The following KCNQ2 variants were observed in gnomAD, a reference collection of about 807,000 sequenced individuals.
KCNQ2 encodes the protein potassium voltage-gated channel subfamily KQT member 2.
A neutral mutation model predicts 84.8 loss-of-function variants in KCNQ2; 14 were observed. The ratio of observed to expected loss-of-function variants is 0.17; its 90% CI spans 0.11 to 0.26. The LOEUF (loss-of-function observed/expected upper bound fraction) is 0.26. Ranked by LOEUF, KCNQ2 falls within the 10% of genes least tolerant of loss-of-function variation. The probability of loss-of-function intolerance (pLI) is 1.00; values close to 1 mark genes in which losing one functional copy is unlikely to be tolerated. For missense variants in KCNQ2, 788 were observed against 1,254.0 expected, an observed-to-expected ratio of 0.63 and a Z score of 5.61; for synonymous variants, 599 against 554.1, an observed-to-expected ratio of 1.08 and a Z score of -1.14.
At chr20:63,465,701 C>A (rs562535212) in intron 1 of KCNQ2, among the ~76,000 whole-genome samples, 1 of 152,214 alleles carries the variant, frequency 6.6e-6, no homozygotes, top group Admixed American at 6.5e-5. Context: ...AGGTGCCGCC[C>A]ACCCTACCCA....
intron 1 of KCNQ2, among the ~76,000 whole-genome samples, chr20:63,450,890 T>C (rs1420461220): frequency 1.3e-5 from 2 of 151,952 alleles, no homozygotes; most frequent in Non-Finnish European, 2.9e-5. Flanking sequence ...GCATCAGCAC[T>C]TCGGGAGGAG....
chr20:63,438,397 C>T lies in KCNQ2; in HGVS notation c.1023+228G>A. The T allele has an allele frequency of 1.6e-6, 1 of 606,704 alleles. No homozygotes were observed. Among genetic ancestry groups the T allele is most frequent in the Non-Finnish European group, 3.0e-6 (1 of 335,758 alleles). The allele number at this position is 606,704 out of a possible 1,614,324, so 37.6% of individuals were successfully genotyped here. The stretch of plus-strand genomic sequence containing the variant: ...CCCCAGCACCCACACAAGGCAAGGG[C>T]CACCCCAGCGTCCTCACACGAGCCA... On this transcript the variant is annotated intron_variant, in intron 7 of 16. Transcript: ENST00000359125. The surrounding 1 kb of genome is among the most constrained non-coding windows in gnomAD (Gnocchi z 5.1).
At chr20:63,442,779 C>T (rs202110551) in intron 4 of KCNQ2, among the ~76,000 whole-genome samples, 32 of 23,244 alleles carry the variant, frequency 1.4e-3, no homozygotes, top group African/African-American at 3.2e-3. Context: ...ACCATCACCA[C>T]CACCACCATC....
At position 63,406,096 on chromosome 20, in the gene KCNQ2, C is replaced by T. The variant is rs113321528; in HGVS notation, c.*548G>A. 2,467 of 154,824 alleles carry T rather than the reference C, an allele frequency of 0.016. 31 individuals carry two copies. The highest frequency in any genetic ancestry group is 0.024 in the Admixed American group (380 of 15,886). The allele number at this position is 154,824 out of a possible 1,614,324, so 9.6% of individuals were successfully genotyped here. On this transcript the variant is annotated 3_prime_UTR_variant, in exon 17 of 17. Coordinates refer to ENST00000359125, the MANE Select transcript of KCNQ2 (RefSeq NM_172107.4). ...ATTTGGGCGCCCCTGAGGTGGGGAA[C>T]AGGAAAGCCCGCCGGGCAGGTCAGG... is the stretch of plus-strand genomic sequence containing the variant.
chr20:63,465,849 G>C (rs568552702), intron 1 of KCNQ2, among the ~76,000 whole-genome samples: 47 of 152,308 alleles, frequency 3.1e-4, no homozygotes, highest in African/African-American at 1.1e-3. Flanking sequence ...TCCGCGTTCC[G>C]GGCACCGCCG....
At chr20:63,453,083 A>C (rs374428838) in intron 1 of KCNQ2, among the ~76,000 whole-genome samples, 3 of 152,094 alleles carry the variant, frequency 2.0e-5, no homozygotes, top group African/African-American at 7.2e-5. Context: ...CAAGACCACA[A>C]GCCACAGCCA....
intron 11 of KCNQ2, among the ~76,000 whole-genome samples, chr20:63,422,894 G>C (rs145452678): frequency 1.3e-3 from 204 of 152,298 alleles, no homozygotes; most frequent in Middle Eastern, 0.01. Context: ...CGCGGAAGCC[G>C]TCGGGAAGCC....
In KCNQ2 at chr20:63,438,369, G is replaced by A. The variant is rs375143510; in HGVS notation, c.1023+256C>T. The A allele has an allele frequency of 3.6e-5, 21 of 578,250 alleles. No homozygotes were observed. Among genetic ancestry groups the A allele is most frequent in the East Asian group, 8.7e-5 (3 of 34,362 alleles). The allele number at this position is 578,250 out of a possible 1,614,324, so 35.8% of individuals were successfully genotyped here. A position where few individuals can be genotyped will look rare whatever the true frequency, so the allele number is the denominator to read the frequency against. On this transcript the variant is annotated intron_variant, in intron 7 of 16. Coordinates refer to ENST00000359125, the MANE Select transcript of KCNQ2 (RefSeq NM_172107.4). The surrounding 1 kb of genome is among the most constrained non-coding windows in gnomAD (Gnocchi z 5.1). ...GTGCGGTAGAGAGGACCTGATGGCC[G>A]GGCCCCAGCACCCACACAAGGCAAG...
chr20:63,457,396 C>T (rs1600838056), intron 1 of KCNQ2, among the ~76,000 whole-genome samples: 1 of 152,258 alleles, frequency 6.6e-6, no homozygotes, highest in Non-Finnish European at 1.5e-5. Context: ...CAACTGGACC[C>T]TGACAGGACA....
intron 4 of KCNQ2, among the ~76,000 whole-genome samples, chr20:63,443,072 TCAC>T (rs1472422517): frequency 4.1e-3 from 207 of 50,384 alleles, no homozygotes; most frequent in African/African-American, 0.015. Context: ...ATCACCATTA[TCAC>T]CACCACCACC....
At chr20:63,437,782 G>A (rs1420334549) in intron 7 of KCNQ2, among the ~76,000 whole-genome samples, 2 of 152,174 alleles carry the variant, frequency 1.3e-5, no homozygotes, top group African/African-American at 4.8e-5. Flanking sequence ...AGAATGGCTG[G>A]TCCCAAGGGG....
rs749900313 is a variant in KCNQ2, at chr20:63,472,485, C to G, written c.-22G>C. The G allele has an allele frequency of 6.7e-7, 1 of 1,486,530 alleles. No homozygotes were observed. Among genetic ancestry groups the G allele is most frequent in the Non-Finnish European group, 8.9e-7 (1 of 1,124,156 alleles). 92.1% of individuals were successfully genotyped at this position (1,486,530 alleles called of 1,614,324 possible). A position where few individuals can be genotyped will look rare whatever the true frequency, so the allele number is the denominator to read the frequency against. On this transcript the variant is annotated 5_prime_UTR_variant, in exon 1 of 17. Transcript: ENST00000359125. ...CCATGGTGCCTGGCGGGAGGCGCCC[C>G]GGGTCGGGCTCAGGCTCAGCGGGGG...
intron 7 of KCNQ2, among the ~76,000 whole-genome samples, chr20:63,436,210 C>T (rs1388244755): frequency 1.3e-5 from 2 of 152,136 alleles, no homozygotes; most frequent in African/African-American, 4.8e-5. Flanking sequence ...TGAATCGATG[C>T]GGCAAACCTC....
intron 10 of KCNQ2, among the ~76,000 whole-genome samples, chr20:63,426,101 C>T (rs1298825225): frequency 6.6e-6 from 1 of 152,252 alleles, no homozygotes; most frequent in Non-Finnish European, 1.5e-5. Context: ...TGAGGAGCGC[C>T]ACCGGCCTGT....
chr20:63,424,341 G>A lies in KCNQ2; in HGVS notation c.1218-135C>T, dbSNP rs941743868. 3.8e-6 allele frequency: 4 copies of A among 1,064,162 alleles called. No individual in the cohort carries two copies. The African/African-American group carries it at 6.3e-5, about 17-fold the overall frequency. 65.9% of individuals were successfully genotyped at this position (1,064,162 alleles called of 1,614,324 possible). On this transcript the variant is annotated intron_variant, in intron 10 of 16. Coordinates refer to ENST00000359125, the MANE Select transcript of KCNQ2 (RefSeq NM_172107.4). ...GGGGTCTCAGAAAAGGCTGGGCAGGGGTGGAGCTGGCCCACCCACCCCAGA... is the reference window on the plus strand; with the variant it reads ...GGGGTCTCAGAAAAGGCTGGGCAGGAGTGGAGCTGGCCCACCCACCCCAGA...
In KCNQ2 at chr20:63,446,733, C is replaced by T. The variant is rs2145788934; in HGVS notation, c.387+14G>A. The stretch of plus-strand genomic sequence containing the variant: ...CCTGGGCACTTCCAGCCCCCGCCCT[C>T]CCTCGGGGCTCACCAGGATGTAGAG... On this transcript the variant is annotated intron_variant, in intron 2 of 16. Coordinates refer to ENST00000359125, the MANE Select transcript of KCNQ2 (RefSeq NM_172107.4). This position sits in a 1 kb window ranked among gnomAD's most constrained non-coding sequence, Gnocchi z 5.5. 6.2e-7 allele frequency: 1 copy of T among 1,609,496 alleles called. No individual in the cohort carries two copies. Among genetic ancestry groups the T allele is most frequent in the East Asian group, 2.2e-5 (1 of 44,854 alleles).
At position 63,419,620 on chromosome 20, in the gene KCNQ2, T is replaced by G. The variant is rs1428770386; in HGVS notation, c.1300A>C (p.Ser434Arg). 2 of 1,610,182 alleles carry G rather than the reference T, an allele frequency of 1.2e-6. No individual in the cohort carries two copies. Among genetic ancestry groups the G allele is most frequent in the Admixed American group, 1.7e-5 (1 of 59,664 alleles). ...TCCGTGCGGCGTGTTCCGCGGTACC[T>G]AGAGCGTCCGGGGCAGCATCCACAC... ...PLCGCCPGRS[S>R]QKVSLKDRVF... Residue 434 changes from serine (S) to arginine (R), a missense_variant and splice_region_variant, in exon 12 of 17, where the codon AGC becomes CGC. Coordinates refer to ENST00000359125, the MANE Select transcript of KCNQ2 (RefSeq NM_172107.4).
chr20:63,410,014 T>G lies in KCNQ2; in HGVS notation c.1764-1478A>C, dbSNP rs182358310. 1.8e-5 allele frequency: 5 copies of G among 282,656 alleles called. No individual in the cohort carries two copies. The East Asian group carries it at 7.3e-4, about 41-fold the overall frequency. 17.5% of individuals were successfully genotyped at this position (282,656 alleles called of 1,614,324 possible). A position where few individuals can be genotyped will look rare whatever the true frequency, so the allele number is the denominator to read the frequency against. On this transcript the variant is annotated intron_variant, in intron 15 of 16. Transcript: ENST00000359125. ...GCCAGGGGTGTTATCTTCTTTCTGT[T>G]GCGAGAAACAGAGAGGGTTTCAGGC...
At position 63,414,083 on chromosome 20, in the gene KCNQ2, C is replaced by T. The variant is rs1178354607; in HGVS notation, c.1631+5G>A. 6.2e-7 allele frequency: 1 copy of T among 1,610,856 alleles called. No individual in the cohort carries two copies. Among genetic ancestry groups the T allele is most frequent in the Non-Finnish European group, 8.5e-7 (1 of 1,178,120 alleles). The stretch of plus-strand genomic sequence containing the variant: ...CCCAGGCTCCCGGCTGGGCAGGGGC[C>T]TCACCACACGGCTCTGATGCTGACT... On this transcript the variant is annotated splice_donor_5th_base_variant and intron_variant, in intron 14 of 16. Transcript: ENST00000359125. This position sits in a 1 kb window ranked among gnomAD's most constrained non-coding sequence, Gnocchi z 6.6.
Sources: allele counts gnomAD v4.1 joint callset (sites outside exome capture counted in the v4.1 genomes callset), GRCh38; gene constraint gnomAD v4.1.1; non-coding constraint Gnocchi (gnomAD v3.1); transcripts MANE v1.5; gene names NCBI Gene and HGNC (gene_info 2026-07-23, HGNC 2026-07-21).